Variants in COX7B2 observed in about 807,000 individuals in gnomAD.
COX7B2 encodes the protein cytochrome c oxidase subunit 7B2.
For synonymous variants in COX7B2, 37 were observed against 32.1 expected (o/e 1.15, Z -0.51); for missense variants, 109 against 95.9 (o/e 1.14, Z -0.57).
chr4:46,851,656 T>A (rs959856199), intron 1 of COX7B2, among the ~76,000 whole-genome samples: 1 of 152,108 alleles, frequency 6.6e-6, no homozygotes, highest in Non-Finnish European at 1.5e-5. Context: ...GTTTTTCTAC[T>A]TAGTCTCCTC....
chr4:46,764,825 A>G (rs1028913109), intron 2 of COX7B2, among the ~76,000 whole-genome samples: 2 of 152,084 alleles, frequency 1.3e-5, no homozygotes, highest in African/African-American at 4.8e-5. Context: ...CACCAAACAT[A>G]AAGAGAAAAG....
chr4:46,855,419 C>T lies in COX7B2; in HGVS notation c.-104-10405G>A, dbSNP rs562436823. Among the ~76,000 whole-genome samples the T allele has an allele frequency of 4.6e-5, 7 of 151,230 alleles. No individual in the cohort carries two copies. In the South Asian group the frequency reaches 1.3e-3, roughly 27 times the overall value. ...TTTATTTTATATTAGGAGTAAGTAT[C>T]GAAAATAATGATTTTCAGTAAAGAT... On this transcript the variant is annotated intron_variant, in intron 1 of 2. Transcript: ENST00000355591.
At chr4:46,763,735 A>G (rs1037460273) in intron 2 of COX7B2, among the ~76,000 whole-genome samples, 1 of 152,236 alleles carries the variant, frequency 6.6e-6, no homozygotes, top group African/African-American at 2.4e-5. Flanking sequence ...TTAATGGACT[A>G]AAGACTAAAC....
intron 2 of COX7B2, among the ~76,000 whole-genome samples, chr4:46,840,143 G>A (rs541058451): frequency 5.3e-4 from 80 of 151,636 alleles, no homozygotes; most frequent in African/African-American, 1.9e-3. Context: ...CCTCAAGGTT[G>A]CAAGGTGACT....
chr4:46,775,195 A>T (rs559366624), intron 2 of COX7B2, among the ~76,000 whole-genome samples: 1 of 152,260 alleles, frequency 6.6e-6, no homozygotes, highest in Non-Finnish European at 1.5e-5. Flanking sequence ...AGTTATTTAT[A>T]TTCTTTATGA....
intron 1 of COX7B2, among the ~76,000 whole-genome samples, chr4:46,892,645 C>T (rs1719497628): frequency 6.6e-6 from 1 of 152,244 alleles, no homozygotes; most frequent in Non-Finnish European, 1.5e-5. Context: ...AAAAAAATGA[C>T]TCCTTATCAA....
intron 1 of COX7B2, among the ~76,000 whole-genome samples, chr4:46,877,806 C>G (rs1718437247): frequency 1.3e-5 from 2 of 152,078 alleles, no homozygotes; most frequent in Non-Finnish European, 2.9e-5. Context: ...ACAGACATTA[C>G]AGAAAACTGT....
chr4:46,828,248 T>C (rs1218417590), intron 2 of COX7B2, among the ~76,000 whole-genome samples: 2 of 152,070 alleles, frequency 1.3e-5, no homozygotes, highest in African/African-American at 4.8e-5. Context: ...TTAATCTAGA[T>C]TATACAAGGA....
chr4:46,885,279 A>G (rs994897144), intron 1 of COX7B2, among the ~76,000 whole-genome samples: 5 of 152,124 alleles, frequency 3.3e-5, no homozygotes, highest in Non-Finnish European at 7.4e-5. Context: ...ATATTTTAGC[A>G]GGGAAAATAA....
chr4:46,777,842 G>A (rs1262658883), intron 2 of COX7B2, among the ~76,000 whole-genome samples: 1 of 152,108 alleles, frequency 6.6e-6, no homozygotes, highest in Non-Finnish European at 1.5e-5. Flanking sequence ...CTCAAAAATA[G>A]ATGGAGATAA....
intron 2 of COX7B2, among the ~76,000 whole-genome samples, chr4:46,811,064 C>T (rs1487407160): frequency 1.3e-5 from 2 of 152,102 alleles, no homozygotes; most frequent in East Asian, 3.8e-4. Context: ...TTTTCTCTTA[C>T]TGCTTTTAAA....
chr4:46,891,069 G>C (rs1719405451), intron 1 of COX7B2, among the ~76,000 whole-genome samples: 1 of 152,134 alleles, frequency 6.6e-6, no homozygotes, highest in Admixed American at 6.6e-5. Flanking sequence ...AAAAGTTGTT[G>C]AACCAACAGT....
chr4:46,882,785 G>C (rs539750019), intron 1 of COX7B2, among the ~76,000 whole-genome samples: 10 of 152,124 alleles, frequency 6.6e-5, no homozygotes, highest in South Asian at 2.1e-4. Context: ...CATAAAGAAT[G>C]TGTGTTTCCA....
At chr4:46,838,551 T>C (rs1325114082) in intron 2 of COX7B2, among the ~76,000 whole-genome samples, 1 of 152,082 alleles carries the variant, frequency 6.6e-6, no homozygotes, top group Non-Finnish European at 1.5e-5. Context: ...CATCAAAGCA[T>C]AACTTGGTCC....
chr4:46,762,028 T>C (rs1387966151), intron 2 of COX7B2, among the ~76,000 whole-genome samples: 3 of 148,816 alleles, frequency 2.0e-5, no homozygotes, highest in Non-Finnish European at 4.4e-5. Context: ...TGCAACTTTA[T>C]TAATTATGTG....
intron 2 of COX7B2, among the ~76,000 whole-genome samples, chr4:46,830,542 T>C (rs1715007515): frequency 6.6e-6 from 1 of 152,060 alleles, no homozygotes. Context: ...AGATTAGGTC[T>C]AAAAAAACAT....
chr4:46,755,804 A>G (rs1229417659), intron 2 of COX7B2, among the ~76,000 whole-genome samples: 1 of 152,114 alleles, frequency 6.6e-6, no homozygotes, highest in African/African-American at 2.4e-5. Context: ...TGATGAAATA[A>G]ACTGTAGATG....
chr4:46,868,000 G>A (rs950213565), intron 1 of COX7B2, among the ~76,000 whole-genome samples: 1 of 152,058 alleles, frequency 6.6e-6, no homozygotes, highest in African/African-American at 2.4e-5. Flanking sequence ...GAATTCATCA[G>A]GTCCTGGGCT....
At position 46,787,478 on chromosome 4, in the gene COX7B2, T is replaced by C. The variant is rs574652019; in HGVS notation, c.-49-52237A>G. 1.2e-3 allele frequency among the ~76,000 whole-genome samples: 184 copies of C among 151,968 alleles called. 1 individual carries two copies. Among genetic ancestry groups the C allele is most frequent in the African/African-American group, 4.1e-3 (171 of 41,458 alleles). On this transcript the variant is annotated intron_variant, in intron 2 of 2. Transcript: ENST00000355591. ...AAAAAAAATAAAAAAAAAAGATACA[T>C]GTGACAGCTCTTTCATACCTCATTT...
Sources: gnomAD v4.1 joint callset for allele counts (sites outside exome capture counted in the v4.1 genomes callset) on GRCh38, gnomAD v4.1.1 for gene constraint, MANE v1.5 for transcripts, NCBI Gene and HGNC (gene_info 2026-07-23, HGNC 2026-07-21) for gene names.